SLC30A9: variants seen among roughly 807,000 people sequenced by gnomAD.
The protein encoded by SLC30A9 is proton-coupled zinc antiporter SLC30A9, mitochondrial.
Under a neutral mutation model 87.5 loss-of-function variants are expected in SLC30A9, and 58 were observed. That is an observed-to-expected ratio of 0.66 (90% CI 0.54 to 0.82). The LOEUF is 0.82. SLC30A9 is among the 40% of genes least tolerant of loss of function. The pLI, the probability that SLC30A9 is intolerant of heterozygous loss-of-function variation, is 0.00. For missense variants in SLC30A9, 557 were observed against 679.1 expected (o/e 0.82, Z 2.00); for synonymous variants, 234 against 233.0 (o/e 1.00, Z -0.04).
At chr4:42,029,184 C>T (rs1362880553) in intron 6 of SLC30A9, 5 of 373,680 alleles carry the variant, frequency 1.3e-5, no homozygotes, top group Admixed American at 3.8e-5. Flanking sequence ...CTTCCGACTG[C>T]GGCAGCTGCT....
chr4:42,000,705 A>G (rs1366293469), intron 1 of SLC30A9, among the ~76,000 whole-genome samples: 1 of 152,054 alleles, frequency 6.6e-6, no homozygotes, highest in Non-Finnish European at 1.5e-5. Flanking sequence ...TTCAGAATGC[A>G]TATATCTGCA....
chr4:42,079,735 G>A (rs146814174), intron 17 of SLC30A9, among the ~76,000 whole-genome samples: 2,698 of 151,962 alleles, frequency 0.018, 39 homozygotes, highest in Non-Finnish European at 0.028. Context: ...AGCCTCCCAA[G>A]TAGCTGGGAT....
chr4:42,034,001 T>C (rs1716569770), intron 6 of SLC30A9, among the ~76,000 whole-genome samples: 1 of 150,372 alleles, frequency 6.7e-6, no homozygotes, highest in Admixed American at 6.7e-5. Flanking sequence ...CATTCCCCCA[T>C]AGGACGTTTC....
At chr4:42,003,938 T>C (rs1221592625) in intron 2 of SLC30A9, among the ~76,000 whole-genome samples, 2 of 152,206 alleles carry the variant, frequency 1.3e-5, no homozygotes, top group African/African-American at 2.4e-5. Flanking sequence ...CTCCAACTTA[T>C]GTGCTATTTG....
rs1718084872 is a variant in SLC30A9, at chr4:42,066,571, A to G, written c.1094A>G (p.Asn365Ser). The stretch of plus-strand genomic sequence containing the variant: ...TTAGCAACACTTCTTGTTGCTGTAA[A>G]TGAACTTCGTAGGAATGCTCGGGCT... ...SEGATLLVAV[N>S]ELRRNARAKG... is the part of the protein sequence containing the mutation. Residue 365 changes from asparagine (N) to serine (S), a missense_variant, in exon 13 of 18, where the codon AAT becomes AGT. By Grantham distance (46) the Asn-to-Ser change is conservative. This residue lies in a region of SLC30A9 where 467 missense variants were observed against 529.8 expected (regional missense o/e 0.88). Transcript: ENST00000264451. The G allele has an allele frequency of 6.2e-7, 1 of 1,604,602 alleles. No homozygotes were observed. The highest frequency in any genetic ancestry group is 1.7e-5 in the Admixed American group (1 of 59,338).
chr4:42,024,246 C>CT (rs1231013287), intron 6 of SLC30A9, among the ~76,000 whole-genome samples: 1 of 152,158 alleles, frequency 6.6e-6, no homozygotes, highest in Non-Finnish European at 1.5e-5. Context: ...AGCTACTTGC[C>CT]TGTAATCCCA....
chr4:42,068,548 A>G (rs967450871), intron 14 of SLC30A9, among the ~76,000 whole-genome samples: 1 of 152,174 alleles, frequency 6.6e-6, no homozygotes, highest in African/African-American at 2.4e-5. Flanking sequence ...CCCGGCCGGA[A>G]CTTAACTCTT....
chr4:41,993,323 G>A (rs1481199631), intron 1 of SLC30A9, among the ~76,000 whole-genome samples: 2 of 151,904 alleles, frequency 1.3e-5, no homozygotes, highest in Non-Finnish European at 2.9e-5. Flanking sequence ...TACACTTTCA[G>A]CACATCACAG....
At chr4:42,029,559 A>T (rs533180344) in intron 6 of SLC30A9, 1 of 689,886 alleles carries the variant, frequency 1.4e-6, no homozygotes, top group South Asian at 1.6e-5. Flanking sequence ...ACAAAGATTC[A>T]GCCCAGAAGG....
chr4:41,992,432 A>G (rs75709518), intron 1 of SLC30A9, among the ~76,000 whole-genome samples: 2,554 of 152,262 alleles, frequency 0.017, 37 homozygotes, highest in Non-Finnish European at 0.026. Flanking sequence ...AATTGTTTCT[A>G]TTGACCAAGC....
rs1718273068 is a variant in SLC30A9, at chr4:42,070,573, T to C, written c.1300T>C (p.Leu434=). The change falls in exon 15 of 18, where the codon TTA becomes CTA. Residue 434 remains leucine (L), a synonymous_variant. Coordinates refer to ENST00000264451, the MANE Select transcript of SLC30A9 (RefSeq NM_006345.4). ...AGGTTCTTTGGGTGTGGGCACCTTA[T>C]TAGGCATGGTCTCAGCATTCCTCAT... ...SLGSLGVGTL[L]GMVSAFLIYT... 2 of 1,613,900 alleles carry C rather than the reference T, an allele frequency of 1.2e-6. No homozygotes were observed. Among genetic ancestry groups the C allele is most frequent in the Non-Finnish European group, 8.5e-7 (1 of 1,179,926 alleles).
intron 8 of SLC30A9, among the ~76,000 whole-genome samples, chr4:42,044,386 CAAAAAAAAAA>C (rs57572080): frequency 1.0e-5 from 1 of 98,724 alleles, no homozygotes; most frequent in Admixed American, 1.0e-4. Context: ...AAATGGAAAG[CAAAAAAAAAA>C]AAAAAAAAGC....
At chr4:42,064,290 G>A (rs1486157708) in intron 11 of SLC30A9, among the ~76,000 whole-genome samples, 2 of 152,130 alleles carry the variant, frequency 1.3e-5, no homozygotes, top group African/African-American at 2.4e-5. Flanking sequence ...TCTGTGCAAG[G>A]CCTGAATAGA....
chr4:42,061,673 G>A (rs4499726), intron 10 of SLC30A9, among the ~76,000 whole-genome samples: 91,130 of 150,746 alleles, frequency 0.6, 32,734 homozygotes, highest in East Asian at 0.96. Context: ...TGAGGCAGGT[G>A]GATCACCTAA....
chr4:42,001,433 A>C (rs1714979593), intron 1 of SLC30A9, among the ~76,000 whole-genome samples, 183 bp from the exon 2 acceptor site: 1 of 152,176 alleles, frequency 6.6e-6, no homozygotes, highest in Non-Finnish European at 1.5e-5. Context: ...TTATATTTTT[A>C]AAAATTTCCA....
rs568045576 is a variant in SLC30A9 at position 42,090,147 on chromosome 4, A to G, written c.*4021A>G. On this transcript the variant is annotated 3_prime_UTR_variant, in exon 18 of 18. Transcript: ENST00000264451. ...TTTCTTTTAAATGTGATGAACCCCA[A>G]TTTGCCAAACTGTCAGAAGTCAGTG... The G allele has an allele frequency of 7.2e-5, 11 of 152,342 alleles. No individual in the cohort carries two copies. The East Asian group carries it at 1.5e-3, about 21-fold the overall frequency. 9.4% of individuals were successfully genotyped at this position (152,342 alleles called of 1,614,324 possible). A position where few individuals can be genotyped will look rare whatever the true frequency, so the allele number is the denominator to read the frequency against.
chr4:42,007,124 G>A (rs2581443), intron 2 of SLC30A9, among the ~76,000 whole-genome samples: 98,500 of 151,964 alleles, frequency 0.65, 36,046 homozygotes, highest in East Asian at 0.96. Flanking sequence ...ATGAAGGTCT[G>A]GAGTAGGGTA....
At chr4:42,058,274 A>G (rs1717705639) in intron 9 of SLC30A9, among the ~76,000 whole-genome samples, 1 of 152,186 alleles carries the variant, frequency 6.6e-6, no homozygotes, top group Non-Finnish European at 1.5e-5. Flanking sequence ...TGCTTAAAAC[A>G]TAACAAGAGT....
intron 9 of SLC30A9, among the ~76,000 whole-genome samples, chr4:42,051,976 T>A (rs1319549758): frequency 1.3e-5 from 2 of 150,154 alleles, no homozygotes; most frequent in African/African-American, 4.9e-5. Context: ...AATCAGATTT[T>A]ATTATATAAA....
Sources: gnomAD v4.1 joint callset for allele counts (sites outside exome capture counted in the v4.1 genomes callset) on GRCh38, gnomAD v4.1.1 for gene constraint, gnomAD v4.1.1 regional missense constraint, MANE v1.5 for transcripts, NCBI Gene and HGNC (gene_info 2026-07-23, HGNC 2026-07-21) for gene names.